The following CTNND2 variants were observed in gnomAD, a reference collection of about 807,000 sequenced individuals.
CTNND2 encodes the protein catenin delta-2.
A neutral mutation model predicts 144.4 loss-of-function variants in CTNND2; 22 were observed. The observed-to-expected ratio is 0.15, with a 90% confidence interval of 0.11 to 0.22. The LOEUF (loss-of-function observed/expected upper bound fraction) is 0.22, where lower values mean the gene tolerates loss of function less well. Among genes scored for constraint, CTNND2 ranks in the 10% least tolerant of loss-of-function variants. CTNND2 has a pLI of 1.00. For missense variants in CTNND2, 1,353 were observed against 1,618.8 expected (o/e 0.84, Z 2.82); for synonymous variants, 751 against 695.6 (o/e 1.08, Z -1.25).
intron 3 of CTNND2, among the ~76,000 whole-genome samples, chr5:11,468,955 T>C (rs528349966): frequency 1.3e-5 from 2 of 152,278 alleles, no homozygotes; most frequent in East Asian, 3.9e-4. Flanking sequence ...GTCTCCAGTT[T>C]AAATTTTTCA....
chr5:11,603,751 T>C (rs913101707), intron 2 of CTNND2, among the ~76,000 whole-genome samples: 1 of 152,190 alleles, frequency 6.6e-6, no homozygotes, highest in African/African-American at 2.4e-5. Context: ...TCATTTTTAT[T>C]ATCATTCTAC....
chr5:11,191,224 A>G (rs1736208807), intron 11 of CTNND2, among the ~76,000 whole-genome samples: 1 of 152,154 alleles, frequency 6.6e-6, no homozygotes, highest in South Asian at 2.1e-4. Flanking sequence ...GTTGAGGGTG[A>G]TTTTGCAATC....
chr5:11,567,792 A>G (rs1320623344), intron 2 of CTNND2, among the ~76,000 whole-genome samples: 1 of 152,018 alleles, frequency 6.6e-6, no homozygotes, highest in Non-Finnish European at 1.5e-5. Context: ...TGCTAGTTTC[A>G]GCTGATTGAC....
At position 11,793,233 on chromosome 5, in the gene CTNND2, C is replaced by A. The variant is rs149624706; in HGVS notation, c.38-60961G>T. 8.7e-4 allele frequency among the ~76,000 whole-genome samples: 133 copies of A among 152,310 alleles called. 1 individual carries two copies. In the East Asian group the frequency reaches 0.021, roughly 24 times the overall value. On this transcript the variant is annotated intron_variant, in intron 1 of 21. Coordinates refer to ENST00000304623, the MANE Select transcript of CTNND2 (RefSeq NM_001332.4). ...ATCTTTCCGAGGCCCCACGTCTGAT[C>A]TGCTCTGCCTACTTGCTCCTCTCCA...
chr5:11,138,338 G>A lies in CTNND2; in HGVS notation c.2160-20771C>T, dbSNP rs542502987. 1.1e-4 allele frequency among the ~76,000 whole-genome samples: 16 copies of A among 152,318 alleles called. 1 individual carries two copies. In the South Asian group the frequency reaches 3.1e-3, roughly 30 times the overall value. On this transcript the variant is annotated intron_variant, in intron 12 of 21. Transcript: ENST00000304623. ...TCTTAACCCTATTCACGTCTGCAAA[G>A]TGTCTTTTGCCAGGTAACAGTCTCA...
At chr5:11,653,070 CGTGTGTGTGTGTGT>C (rs58056553) in intron 2 of CTNND2, among the ~76,000 whole-genome samples, 55,438 of 143,500 alleles carry the variant, frequency 0.39, 12,923 homozygotes, top group Middle Eastern at 0.57. Context: ...GAACAAAATT[CGTGTGTGTGTGTGT>C]GTGTGTGTGT....
At chr5:11,851,264 C>T (rs62337741) in intron 1 of CTNND2, among the ~76,000 whole-genome samples, 104,523 of 151,112 alleles carry the variant, frequency 0.69, 36,214 homozygotes, top group South Asian at 0.78. Flanking sequence ...CTAATACATG[C>T]GTGTGTGTGC....
At chr5:11,582,864 G>A (rs567388463) in intron 2 of CTNND2, among the ~76,000 whole-genome samples, 5 of 152,104 alleles carry the variant, frequency 3.3e-5, no homozygotes, top group African/African-American at 9.6e-5. Context: ...AGAATGCGTC[G>A]GTGCTAGCAC....
intron 2 of CTNND2, among the ~76,000 whole-genome samples, chr5:11,585,107 C>T (rs1044028798): frequency 6.6e-6 from 1 of 152,168 alleles, no homozygotes; most frequent in Non-Finnish European, 1.5e-5. Flanking sequence ...GCATTTGTGA[C>T]ATTTCCATAG....
chr5:11,553,876 G>A (rs535407322), intron 3 of CTNND2, among the ~76,000 whole-genome samples: 1 of 152,136 alleles, frequency 6.6e-6, no homozygotes, highest in East Asian at 1.9e-4. Context: ...GTTTTTAGAT[G>A]TAAAATTAAT....
intron 2 of CTNND2, among the ~76,000 whole-genome samples, chr5:11,682,921 G>T (rs935712615): frequency 3.9e-5 from 6 of 152,190 alleles, no homozygotes; most frequent in African/African-American, 1.4e-4. Context: ...GGAAAAGGTG[G>T]AGGAATTAGA....
At chr5:11,308,224 CT>C (rs57613248) in intron 9 of CTNND2, among the ~76,000 whole-genome samples, 3,363 of 144,988 alleles carry the variant, frequency 0.023, 30 homozygotes, top group African/African-American at 0.04. Flanking sequence ...ATTATAATTA[CT>C]TTTTTTTTTT....
intron 2 of CTNND2, among the ~76,000 whole-genome samples, chr5:11,721,139 A>T (rs932362334): frequency 2.0e-5 from 3 of 152,232 alleles, no homozygotes; most frequent in African/African-American, 7.2e-5. Flanking sequence ...GGCAGTAAAA[A>T]GTAATGAAAT....
At chr5:11,644,344 T>C (rs1246550743) in intron 2 of CTNND2, among the ~76,000 whole-genome samples, 1 of 152,224 alleles carries the variant, frequency 6.6e-6, no homozygotes, top group Non-Finnish European at 1.5e-5. Flanking sequence ...GTAATTGTTA[T>C]GTCCAACTAC....
intron 16 of CTNND2, among the ~76,000 whole-genome samples, chr5:11,054,931 T>C (rs1386445699): frequency 2.6e-5 from 4 of 152,204 alleles, no homozygotes; most frequent in African/African-American, 4.8e-5. Flanking sequence ...TACTGTTCAA[T>C]GTTTGACTGA....
chr5:11,234,484 C>G (rs10513082), intron 10 of CTNND2, among the ~76,000 whole-genome samples: 9,203 of 152,282 alleles, frequency 0.06, 399 homozygotes, highest in Admixed American at 0.11. Context: ...AGCTGGTAAG[C>G]AGGAAAGCCA....
chr5:11,204,383 A>C (rs1737823089), intron 10 of CTNND2, among the ~76,000 whole-genome samples: 1 of 152,234 alleles, frequency 6.6e-6, no homozygotes, highest in Admixed American at 6.5e-5. Context: ...TTTACAGTTT[A>C]AACTCTAGAA....
At chr5:11,468,559 T>C (rs925659579) in intron 3 of CTNND2, among the ~76,000 whole-genome samples, 1 of 152,190 alleles carries the variant, frequency 6.6e-6, no homozygotes, top group Non-Finnish European at 1.5e-5. Flanking sequence ...CCAATATGTC[T>C]GTCAGGTCCT....
rs61757522 is a variant in CTNND2, at chr5:11,468,340, A to C, written c.288-56271T>G. 5.6e-3 allele frequency among the ~76,000 whole-genome samples: 851 copies of C among 152,358 alleles called. 14 individuals carry two copies. The highest frequency in any genetic ancestry group is 0.019 in the African/African-American group (807 of 41,584). ...TGACTTTTAAAAATTTGTAATCATA[A>C]AACAGAAAATCATTAAGATGAATAA... On this transcript the variant is annotated intron_variant, in intron 3 of 21. Coordinates refer to ENST00000304623, the MANE Select transcript of CTNND2 (RefSeq NM_001332.4).
Sources: allele counts gnomAD v4.1 joint callset (sites outside exome capture counted in the v4.1 genomes callset), GRCh38; gene constraint gnomAD v4.1.1; transcripts MANE v1.5; gene names NCBI Gene and HGNC (gene_info 2026-07-23, HGNC 2026-07-21).